Variants in UBE2E2 observed in about 807,000 individuals in gnomAD.
The protein encoded by UBE2E2 is ubiquitin conjugating enzyme E2 E2.
Under a neutral mutation model 24.7 loss-of-function variants are expected in UBE2E2, and 6 were observed. The ratio of observed to expected loss-of-function variants is 0.24; its 90% CI spans 0.13 to 0.48. The LOEUF (loss-of-function observed/expected upper bound fraction) is 0.48, where lower values mean the gene tolerates loss of function less well. Among genes scored for constraint, UBE2E2 ranks in the 20% least tolerant of loss-of-function variants. The pLI is 0.99. For synonymous variants in UBE2E2, 104 were observed against 83.6 expected (o/e 1.24, Z -1.33); for missense variants, 169 against 245.0 (o/e 0.69, Z 2.07).
intron 3 of UBE2E2, among the ~76,000 whole-genome samples, chr3:23,469,065 T>C (rs542238762): frequency 6.6e-6 from 1 of 152,234 alleles, no homozygotes; most frequent in South Asian, 2.1e-4. Flanking sequence ...TTGTAAACAA[T>C]AGAAAGTTAC....
intron 3 of UBE2E2, among the ~76,000 whole-genome samples, chr3:23,445,602 A>G (rs1268059912): frequency 6.6e-6 from 1 of 152,224 alleles, no homozygotes; most frequent in Non-Finnish European, 1.5e-5. Flanking sequence ...ATATTTGGCT[A>G]GATCGGAAAT....
At chr3:23,340,362 T>G (rs993143631) in intron 3 of UBE2E2, among the ~76,000 whole-genome samples, 18 of 152,138 alleles carry the variant, frequency 1.2e-4, no homozygotes, top group African/African-American at 4.3e-4. Flanking sequence ...GCATCTACTA[T>G]GCACTATATT....
At chr3:23,353,967 C>T (rs1476899851) in intron 3 of UBE2E2, among the ~76,000 whole-genome samples, 15 of 152,140 alleles carry the variant, frequency 9.9e-5, no homozygotes, top group South Asian at 2.1e-4. Context: ...GGAGGCATCA[C>T]GCTACCTGAC....
At chr3:23,362,303 C>T (rs1426997320) in intron 3 of UBE2E2, among the ~76,000 whole-genome samples, 1 of 152,114 alleles carries the variant, frequency 6.6e-6, no homozygotes, top group Non-Finnish European at 1.5e-5. Context: ...TGTGAGCTTC[C>T]TGGGGGAGCA....
intron 3 of UBE2E2, among the ~76,000 whole-genome samples, chr3:23,223,852 T>G (rs1696735750): frequency 6.6e-6 from 1 of 152,202 alleles, no homozygotes; most frequent in African/African-American, 2.4e-5. Context: ...TTTAGTTTCA[T>G]TCTTCATATA....
At chr3:23,220,798 C>A (rs1056918993) in intron 3 of UBE2E2, among the ~76,000 whole-genome samples, 1 of 152,160 alleles carries the variant, frequency 6.6e-6, no homozygotes, top group African/African-American at 2.4e-5. Context: ...AGATTCACTG[C>A]CCCTTATAAA....
At chr3:23,285,735 CT>C (rs1698601767) in intron 3 of UBE2E2, among the ~76,000 whole-genome samples, 2 of 152,276 alleles carry the variant, frequency 1.3e-5, no homozygotes, top group African/African-American at 4.8e-5. Flanking sequence ...TGAGACATAG[CT>C]TTGTCATCCA....
In UBE2E2 at chr3:23,400,623, C is replaced by CACACACACACACATACAT. The variant is rs1553608502; in HGVS notation, c.228-98972_228-98971insTACATACACACACACACA. On this transcript the variant is annotated intron_variant, in intron 3 of 5. Coordinates refer to ENST00000396703, the MANE Select transcript of UBE2E2 (RefSeq NM_152653.4). ...AATAAATGAAACACACACACACACA[C>CACACACACACACATACAT]ACACACACACACACACACATCTCAG... Among the ~76,000 whole-genome samples the CACACACACACACATACAT allele has an allele frequency of 4.0e-5, 6 of 151,260 alleles. No individual in the cohort carries two copies. In the East Asian group the frequency reaches 1.2e-3, roughly 29 times the overall value.
At chr3:23,497,702 T>G (rs1699634156) in intron 3 of UBE2E2, among the ~76,000 whole-genome samples, 2 of 152,326 alleles carry the variant, frequency 1.3e-5, no homozygotes, top group Admixed American at 6.5e-5. Context: ...TTTCTTAATT[T>G]TTCAATATTT....
At chr3:23,501,380 G>A (rs1046847857) in intron 4 of UBE2E2, among the ~76,000 whole-genome samples, 2 of 152,134 alleles carry the variant, frequency 1.3e-5, no homozygotes, top group Non-Finnish European at 2.9e-5. Flanking sequence ...ACTCCACTGG[G>A]CATCAGCTCT....
chr3:23,574,029 A>T (rs905065778), intron 5 of UBE2E2, among the ~76,000 whole-genome samples: 2 of 152,234 alleles, frequency 1.3e-5, no homozygotes, highest in Non-Finnish European at 2.9e-5. Context: ...GCAATGGAGT[A>T]CTATTCAACA....
chr3:23,410,802 A>G (rs1369017296), intron 3 of UBE2E2, among the ~76,000 whole-genome samples: 2 of 152,190 alleles, frequency 1.3e-5, no homozygotes, highest in Admixed American at 1.3e-4. Context: ...CAAGTTAACA[A>G]GCAATTCTGT....
chr3:23,362,395 A>T (rs1696141703), intron 3 of UBE2E2, among the ~76,000 whole-genome samples: 1 of 152,148 alleles, frequency 6.6e-6, no homozygotes, highest in African/African-American at 2.4e-5. Context: ...CCACTTTGAG[A>T]CTTGGGCCCT....
intron 3 of UBE2E2, among the ~76,000 whole-genome samples, chr3:23,442,497 T>C (rs1265547385): frequency 6.6e-6 from 1 of 152,192 alleles, no homozygotes; most frequent in African/African-American, 2.4e-5. Context: ...TATGAACTCT[T>C]ATGCCCTCCT....
chr3:23,314,470 A>G (rs1468974217), intron 3 of UBE2E2, among the ~76,000 whole-genome samples: 2 of 152,068 alleles, frequency 1.3e-5, no homozygotes, highest in Admixed American at 1.3e-4. Context: ...TTATCTTTCT[A>G]CTAAAGATAT....
chr3:23,588,550 A>G (rs1281363213), intron 5 of UBE2E2, among the ~76,000 whole-genome samples: 4 of 151,774 alleles, frequency 2.6e-5, no homozygotes, highest in African/African-American at 7.3e-5. Flanking sequence ...TTAAAGTGCT[A>G]ATATTACAAG....
chr3:23,445,064 C>T (rs1028095017), intron 3 of UBE2E2, among the ~76,000 whole-genome samples: 1 of 152,152 alleles, frequency 6.6e-6, no homozygotes. Flanking sequence ...GTAATGATGT[C>T]ATATTGAGTG....
intron 5 of UBE2E2, among the ~76,000 whole-genome samples, chr3:23,566,200 C>G (rs764576208): frequency 3.9e-5 from 6 of 152,130 alleles, no homozygotes; most frequent in Non-Finnish European, 7.4e-5. Flanking sequence ...TTGGAACAGT[C>G]CCTGCTGAAG....
intron 3 of UBE2E2, among the ~76,000 whole-genome samples, chr3:23,223,025 C>CTTT (rs58129459): frequency 1.7e-5 from 1 of 60,316 alleles, no homozygotes; most frequent in Non-Finnish European, 3.0e-5. Flanking sequence ...CCCCCCCCCC[C>CTTT]TTTTTTTTTT....
Sources: gnomAD v4.1 joint callset for allele counts (sites outside exome capture counted in the v4.1 genomes callset) on GRCh38, gnomAD v4.1.1 for gene constraint, MANE v1.5 for transcripts, NCBI Gene and HGNC (gene_info 2026-07-23, HGNC 2026-07-21) for gene names.